MAP7D2: variants seen among roughly 807,000 people sequenced by gnomAD.
MAP7D2 encodes MAP7 domain-containing protein 2.
In MAP7D2, 33 loss-of-function variants were observed where a neutral mutation model predicts 63.5. The ratio of observed to expected loss-of-function variants is 0.52; its 90% CI spans 0.39 to 0.70. MAP7D2 has a LOEUF of 0.70. MAP7D2 is among the 30% of genes least tolerant of loss of function. The pLI is 0.00. For synonymous variants in MAP7D2, 224 were observed against 223.7 expected, an observed-to-expected ratio of 1.00 and a Z score of -0.01; for missense variants, 626 against 604.0, an observed-to-expected ratio of 1.04 and a Z score of -0.38.
At chrX:20,018,525 C>A (rs888054982) in intron 10 of MAP7D2, among the ~76,000 whole-genome samples, 2 of 105,205 alleles carry the variant, frequency 1.9e-5, no homozygotes. Flanking sequence ...TCACTACAAC[C>A]TCTGCCTCCT....
At chrX:20,017,565 TA>T (rs778298938) in intron 10 of MAP7D2, among the ~76,000 whole-genome samples, 40 of 112,648 alleles carry the variant, frequency 3.6e-4, no homozygotes, top group African/African-American at 1.3e-3. Flanking sequence ...AAAAGAAAGA[TA>T]AACAAATACT....
chrX:20,043,835 C>T (rs1304296704), intron 7 of MAP7D2, among the ~76,000 whole-genome samples: 1 of 111,681 alleles, frequency 9.0e-6, no homozygotes, highest in Non-Finnish European at 1.9e-5. Flanking sequence ...TGCCAGTATG[C>T]CATCAAAAAT....
chrX:20,087,350 T>C (rs767182655), intron 1 of MAP7D2, among the ~76,000 whole-genome samples: 2 of 111,262 alleles, frequency 1.8e-5, no homozygotes, highest in South Asian at 7.6e-4. Flanking sequence ...CCTCCAGAGC[T>C]GGATGTAAAA....
chrX:20,045,538 A>G (rs1387580693), intron 6 of MAP7D2, among the ~76,000 whole-genome samples: 3 of 106,355 alleles, frequency 2.8e-5, no homozygotes, highest in African/African-American at 1.0e-4. Flanking sequence ...AAAAAAAAAA[A>G]AAAAAAAAAA....
intron 1 of MAP7D2, among the ~76,000 whole-genome samples, chrX:20,069,003 A>C (rs1387952394): frequency 1.8e-5 from 2 of 111,991 alleles, no homozygotes; most frequent in Non-Finnish European, 3.8e-5. Context: ...CTCCCCAGCC[A>C]TTTGGAACTC....
chrX:20,076,409 T>TA (rs1482389288), intron 1 of MAP7D2, among the ~76,000 whole-genome samples: 1 of 111,463 alleles, frequency 9.0e-6, no homozygotes, highest in Non-Finnish European at 1.9e-5. Context: ...TATAGACAAT[T>TA]AAAAAATGTA....
intron 4 of MAP7D2, among the ~76,000 whole-genome samples, chrX:20,053,378 C>T (rs750722398): frequency 1.5e-4 from 17 of 111,842 alleles, no homozygotes; most frequent in Non-Finnish European, 2.4e-4. Context: ...CACTGGAAAA[C>T]GCCCTATGGT....
intron 1 of MAP7D2, among the ~76,000 whole-genome samples, chrX:20,107,549 G>A (rs1368309510): frequency 9.1e-6 from 1 of 110,170 alleles, no homozygotes; most frequent in African/African-American, 3.4e-5. Flanking sequence ...CCAGCCTGGG[G>A]GATAGAGAGA....
chrX:20,073,948 C>T (rs1429652465), intron 1 of MAP7D2, among the ~76,000 whole-genome samples: 1 of 106,401 alleles, frequency 9.4e-6, no homozygotes, highest in Non-Finnish European at 2.0e-5. Context: ...ACCAACCTGA[C>T]CAACATGGAG....
Position 20,094,538 on chromosome X carries a change from A to ATG in MAP7D2, c.130+22211_130+22212insCA, listed in dbSNP as rs1569141032. ...TATGTATATATATATATATATATAT[A>ATG]TATGTATATATATATATATATATAT... On this transcript the variant is annotated intron_variant, in intron 1 of 16. Coordinates refer to ENST00000379643, the MANE Select transcript of MAP7D2 (RefSeq NM_001168465.2). 3.9e-3 allele frequency among the ~76,000 whole-genome samples: 36 copies of ATG among 9,197 alleles called. 5 individuals are homozygous for ATG. The highest frequency in any genetic ancestry group is 4.6e-3 in the Non-Finnish European group (26 of 5,709). The allele number at this position is 9,197 out of a possible 115,157, so 8.0% of individuals were successfully genotyped here. A position where few individuals can be genotyped will look rare whatever the true frequency, so the allele number is the denominator to read the frequency against.
At position 20,033,639 on chromosome X, in the gene MAP7D2, T is replaced by C. The variant is rs2074118001; in HGVS notation, c.1008-7687A>G. On this transcript the variant is annotated intron_variant, in intron 8 of 16. Coordinates refer to ENST00000379643, the MANE Select transcript of MAP7D2 (RefSeq NM_001168465.2). The stretch of plus-strand genomic sequence containing the variant: ...CATCAGGCAGGAGAACAATGCACTG[T>C]CAGAGCTTAGGAGGTCACAGGAAAA... 2.7e-5 allele frequency among the ~76,000 whole-genome samples: 3 copies of C among 112,345 alleles called. No individual in the cohort carries two copies. The Admixed American group carries it at 2.8e-4, about 11-fold the overall frequency.
intron 3 of MAP7D2, among the ~76,000 whole-genome samples, chrX:20,057,430 T>C (rs781075687): frequency 9.0e-6 from 1 of 111,046 alleles, no homozygotes; most frequent in South Asian, 3.8e-4. Flanking sequence ...CAGAGTTACT[T>C]AGGTGGAGGA....
At chrX:20,086,450 T>C (rs1252682627) in intron 1 of MAP7D2, among the ~76,000 whole-genome samples, 3 of 112,095 alleles carry the variant, frequency 2.7e-5, no homozygotes, top group Non-Finnish European at 3.8e-5. Flanking sequence ...TATGAAAAGG[T>C]AGACACTACA....
chrX:20,052,255 T>C (rs1256001723), intron 5 of MAP7D2: 2 of 141,256 alleles, frequency 1.4e-5, no homozygotes, highest in Admixed American at 1.6e-4. Context: ...CAGTGACTTA[T>C]CTGAGCCTTT....
At chrX:20,069,980 G>A (rs1003999102) in intron 1 of MAP7D2, among the ~76,000 whole-genome samples, 64 of 110,160 alleles carry the variant, frequency 5.8e-4, no homozygotes, top group Middle Eastern at 4.3e-3. Context: ...ACGGAGTCTC[G>A]CTCTGTTGCC....
intron 6 of MAP7D2, among the ~76,000 whole-genome samples, chrX:20,049,533 T>C (rs1178890204): frequency 9.0e-6 from 1 of 111,368 alleles, no homozygotes; most frequent in Non-Finnish European, 1.9e-5. Context: ...TGGCCTCCCA[T>C]AGTGCTGAGA....
In MAP7D2 at chrX:20,021,309, TC is replaced by T. The variant is rs763370811; in HGVS notation, c.1412+3641del. On this transcript the variant is annotated intron_variant, in intron 10 of 16. Coordinates refer to ENST00000379643, the MANE Select transcript of MAP7D2 (RefSeq NM_001168465.2). The stretch of plus-strand genomic sequence containing the variant: ...CCCCATCCTTGACTTGGATGGTGTT[TC>T]CCTTACCAGTTTGTGACAATAATTG... The T allele has an allele frequency of 6.2e-5, 7 of 112,628 alleles. No homozygotes were observed. The South Asian group carries it at 2.6e-3, about 41-fold the overall frequency. 9.3% of individuals were successfully genotyped at this position (112,628 alleles called of 1,213,427 possible).
intron 1 of MAP7D2, among the ~76,000 whole-genome samples, chrX:20,103,607 T>C (rs2066493681): frequency 1.8e-5 from 2 of 112,300 alleles, no homozygotes; most frequent in East Asian, 5.6e-4. Flanking sequence ...TCCTAATCTG[T>C]CGAGGTTAGT....
At chrX:20,104,688 T>C (rs937263608) in intron 1 of MAP7D2, among the ~76,000 whole-genome samples, 2 of 111,956 alleles carry the variant, frequency 1.8e-5, no homozygotes, top group East Asian at 5.5e-4. Context: ...CTAATGAAAA[T>C]GATCAATGCT....
Sources: gnomAD v4.1 joint callset for allele counts (sites outside exome capture counted in the v4.1 genomes callset) on GRCh38, gnomAD v4.1.1 for gene constraint, MANE v1.5 for transcripts, NCBI Gene and HGNC (gene_info 2026-07-23, HGNC 2026-07-21) for gene names.